The following PPP1R13L variants were observed in gnomAD, a reference collection of about 807,000 sequenced individuals.
PPP1R13L encodes protein phosphatase 1 regulatory subunit 13 like.
A neutral mutation model predicts 80.9 loss-of-function variants in PPP1R13L; 50 were observed. That is an observed-to-expected ratio of 0.62 (90% CI 0.49 to 0.78). The LOEUF (loss-of-function observed/expected upper bound fraction) is 0.78. Ranked by LOEUF, PPP1R13L falls within the 30% of genes least tolerant of loss-of-function variation. PPP1R13L has a pLI of 0.00. For synonymous variants in PPP1R13L, 602 were observed against 534.3 expected (o/e 1.13, Z -1.75); for missense variants, 1,200 against 1,205.9 (o/e 1.00, Z 0.07).
chr19:45,385,074 C>A (rs1425102935), intron 11 of PPP1R13L, among the ~76,000 whole-genome samples: 1 of 152,020 alleles, frequency 6.6e-6, no homozygotes, highest in South Asian at 2.1e-4. Flanking sequence ...CAGCCTACTT[C>A]GCCCTGCCCG....
At position 45,379,942 on chromosome 19, in the gene PPP1R13L, G is replaced by T. The variant is rs185250649; in HGVS notation, c.*248C>A. 1.4e-3 allele frequency: 559 copies of T among 413,898 alleles called. 9 individuals are homozygous for T. Among genetic ancestry groups the T allele is most frequent in the Non-Finnish European group, 3.6e-4 (83 of 228,950 alleles). The allele number at this position is 413,898 out of a possible 1,614,324, so 25.6% of individuals were successfully genotyped here. On this transcript the variant is annotated 3_prime_UTR_variant, in exon 13 of 13. Transcript: ENST00000360957. ...TGGACGGGATCTGATTTGGCAAAAG[G>T]AAGTGGTTTCCTGTCCCCAGTGATT...
Position 45,395,591 on chromosome 19 carries a change from C to A in PPP1R13L, c.1199G>T (p.Arg400Leu), listed in dbSNP as rs768694836. The change falls in exon 7 of 13, where the codon CGA becomes CTA. Residue 400 changes from arginine to leucine, a missense_variant. Around this residue, in one of 5 missense-constraint regions of PPP1R13L, gnomAD observed 764 missense variants for 714.5 expected, o/e 1.07. Transcript: ENST00000360957. ...GGGCTGCAGCTTAGGCGGGGGTGCT[C>A]GGGTGAAGAGGGGGGACCCAGGGAG... ...AMLPGSPLFTRAPPPKLQPQP... is the reference protein window; with the variant it reads ...AMLPGSPLFTLAPPPKLQPQP... The A allele has an allele frequency of 1.4e-6, 2 of 1,465,822 alleles. No homozygotes were observed. The highest frequency in any genetic ancestry group is 9.0e-7 in the Non-Finnish European group (1 of 1,112,468). 90.8% of individuals were successfully genotyped at this position (1,465,822 alleles called of 1,614,324 possible). A position where few individuals can be genotyped will look rare whatever the true frequency, so the allele number is the denominator to read the frequency against.
intron 8 of PPP1R13L, among the ~76,000 whole-genome samples, chr19:45,387,909 A>C (rs1365142718): frequency 6.6e-6 from 1 of 152,120 alleles, no homozygotes; most frequent in African/African-American, 2.4e-5. Flanking sequence ...TCATGTGTGT[A>C]ATCTCAGCAC....
intron 11 of PPP1R13L, among the ~76,000 whole-genome samples, chr19:45,382,996 C>CTTTCTTT (rs569515406): frequency 7.9e-6 from 1 of 126,276 alleles, no homozygotes; most frequent in African/African-American, 3.1e-5. Flanking sequence ...TCTTTTCTTT[C>CTTTCTTT]TTTTTTTTTT....
chr19:45,380,486 G>C (rs1006377700), intron 12 of PPP1R13L, among the ~76,000 whole-genome samples: 6 of 152,040 alleles, frequency 3.9e-5, no homozygotes, highest in Non-Finnish European at 8.8e-5. Flanking sequence ...CTAACACCTT[G>C]GTTGTCTTTT....
intron 1 of PPP1R13L, among the ~76,000 whole-genome samples, chr19:45,400,055 C>T (rs1221515143): frequency 6.6e-6 from 1 of 151,984 alleles, no homozygotes; most frequent in Non-Finnish European, 1.5e-5. Context: ...GGCAAGAAAG[C>T]ATGGCTCAGA....
intron 8 of PPP1R13L, among the ~76,000 whole-genome samples, chr19:45,389,490 G>A (rs1392099624): frequency 1.3e-5 from 2 of 152,162 alleles, no homozygotes; most frequent in East Asian, 3.8e-4. Flanking sequence ...TTATGTGCCA[G>A]GTATTATGCT....
intron 8 of PPP1R13L, among the ~76,000 whole-genome samples, chr19:45,387,681 A>T (rs1270081756): frequency 6.6e-6 from 1 of 152,066 alleles, no homozygotes; most frequent in Non-Finnish European, 1.5e-5. Context: ...CAGCCTGCCA[A>T]GTAGCTGGGA....
chr19:45,393,599 G>A (rs34644386), intron 7 of PPP1R13L, among the ~76,000 whole-genome samples: 1 of 151,934 alleles, frequency 6.6e-6, no homozygotes, highest in Admixed American at 6.6e-5. Context: ...TCTTGGCTGG[G>A]CACGGTGGTT....
rs770634507 is a variant in PPP1R13L at position 45,385,723 on chromosome 19, G to T, written c.2087C>A (p.Pro696His). ...VNSPDSHGWT[P>H]LHCAASCNDT... The stretch of plus-strand genomic sequence containing the variant: ...GTTGCACGACGCCGCGCAGTGCAAG[G>T]GTGTCCTAGGCGTGGGGGTGGGGGG... The change falls in exon 11 of 13, where the codon CCC (proline) becomes CAC (histidine). Residue 696 changes from proline (P) to histidine (H), a missense_variant. Pro to His is a moderately conservative substitution (Grantham distance 77). This residue lies in a region of PPP1R13L where 4 missense variants were observed against 18.2 expected (regional missense o/e 0.22). Transcript: ENST00000360957. 6.2e-7 allele frequency: 1 copy of T among 1,610,464 alleles called. No homozygotes were observed. Among genetic ancestry groups the T allele is most frequent in the Non-Finnish European group, 8.5e-7 (1 of 1,178,314 alleles).
intron 8 of PPP1R13L, among the ~76,000 whole-genome samples, chr19:45,390,833 C>G (rs190329903): frequency 6.6e-6 from 1 of 152,122 alleles, no homozygotes; most frequent in Non-Finnish European, 1.5e-5. Context: ...ATCCACCCAC[C>G]TCGGCCTCCC....
chr19:45,395,433 C>A lies in PPP1R13L; in HGVS notation c.1354+3G>T. The A allele has an allele frequency of 6.4e-7, 1 of 1,552,864 alleles. No homozygotes were observed. Among genetic ancestry groups the A allele is most frequent in the Non-Finnish European group, 8.7e-7 (1 of 1,155,350 alleles). On this transcript the variant is annotated splice_donor_region_variant and intron_variant, in intron 7 of 12. Transcript: ENST00000360957. Reference sequence around the variant, plus strand: ...TCCTCTAGGGCCCTCATTGCTGACTCACCTTCGTTCACAGGGGGCCATGTC... The same window carrying A: ...TCCTCTAGGGCCCTCATTGCTGACTAACCTTCGTTCACAGGGGGCCATGTC...
In PPP1R13L at chr19:45,380,075, C is replaced by T. The variant is rs1972733254; in HGVS notation, c.*115G>A. The T allele has an allele frequency of 4.2e-6, 5 of 1,190,386 alleles. No individual in the cohort carries two copies. The highest frequency in any genetic ancestry group is 4.9e-6 in the Non-Finnish European group (4 of 822,100). 73.7% of individuals were successfully genotyped at this position (1,190,386 alleles called of 1,614,324 possible). A position where few individuals can be genotyped will look rare whatever the true frequency, so the allele number is the denominator to read the frequency against. ...GAGAACAGAGAACCGGTGGCAAGGA[C>T]CACCACCAGCAGGGTGAGGGGTGCA... is the stretch of plus-strand genomic sequence containing the variant. On this transcript the variant is annotated 3_prime_UTR_variant, in exon 13 of 13. Transcript: ENST00000360957.
Position 45,380,007 on chromosome 19 carries a change from C to T in PPP1R13L, c.*183G>A, listed in dbSNP as rs1972732030. On this transcript the variant is annotated 3_prime_UTR_variant, in exon 13 of 13. Transcript: ENST00000360957. ...GACCTCCCAAGGCTAAGGCAGATTA[C>T]TAAATTTAAGGCTGGGGCCCTCCTT... 1.5e-6 allele frequency: 1 copy of T among 664,668 alleles called. No homozygotes were observed. Among genetic ancestry groups the T allele is most frequent in the African/African-American group, 1.8e-5 (1 of 55,276 alleles). 41.2% of individuals were successfully genotyped at this position (664,668 alleles called of 1,614,324 possible). A position where few individuals can be genotyped will look rare whatever the true frequency, so the allele number is the denominator to read the frequency against.
At chr19:45,382,892 A>C (rs1972792258) in intron 11 of PPP1R13L, among the ~76,000 whole-genome samples, 166 bp from the exon 12 acceptor site, 4 of 151,892 alleles carry the variant, frequency 2.6e-5, no homozygotes, top group Admixed American at 2.6e-4. Context: ...CTGGAGTCAG[A>C]TGCCGGGACT....
Position 45,398,658 on chromosome 19 carries a change from G to C in PPP1R13L, c.-21-319C>G, listed in dbSNP as rs1222619105. Among the ~76,000 whole-genome samples, 3 of 147,846 alleles carry C rather than the reference G, an allele frequency of 2.0e-5. No homozygotes were observed. The Admixed American group carries it at 2.1e-4, about 10-fold the overall frequency. On this transcript the variant is annotated intron_variant, in intron 1 of 12. Coordinates refer to ENST00000360957, the MANE Select transcript of PPP1R13L (RefSeq NM_006663.4). ...GTCGCCCAGGCGGGAGTGCAATGAC[G>C]CGATCTTGGCTCACTGCAACCTCCG... is the stretch of plus-strand genomic sequence containing the variant.
intron 3 of PPP1R13L, among the ~76,000 whole-genome samples, chr19:45,397,372 CTCTTTCTTT>C (rs1202525511): frequency 6.6e-6 from 1 of 150,988 alleles, no homozygotes; most frequent in Non-Finnish European, 1.5e-5. Context: ...TTCTTTCTCT[CTCTTTCTTT>C]TCTTTCTTTC....
At chr19:45,401,272 G>A (rs1402509895) in intron 1 of PPP1R13L, among the ~76,000 whole-genome samples, 1 of 150,750 alleles carries the variant, frequency 6.6e-6, no homozygotes, top group Non-Finnish European at 1.5e-5. Context: ...GGAGAATGGT[G>A]TGAACCAGGG....
chr19:45,388,325 A>C (rs1180684338), intron 8 of PPP1R13L, among the ~76,000 whole-genome samples: 1 of 151,978 alleles, frequency 6.6e-6, no homozygotes, highest in Non-Finnish European at 1.5e-5. Context: ...GGAATGTGTA[A>C]ATTTAAAGTA....
Sources: gnomAD v4.1 joint callset for allele counts (sites outside exome capture counted in the v4.1 genomes callset) on GRCh38, gnomAD v4.1.1 for gene constraint, gnomAD v4.1.1 regional missense constraint, MANE v1.5 for transcripts, NCBI Gene and HGNC (gene_info 2026-07-23, HGNC 2026-07-21) for gene names.